PTPRM: variants seen among roughly 807,000 people sequenced by gnomAD.
The protein encoded by PTPRM is protein tyrosine phosphatase receptor type M.
A neutral mutation model predicts 186.7 loss-of-function variants in PTPRM; 47 were observed. The ratio of observed to expected loss-of-function variants is 0.25; its 90% CI spans 0.20 to 0.32. The LOEUF is 0.32. PTPRM is among the 10% of genes least tolerant of loss of function. The pLI is 1.00. For missense variants in PTPRM, 1,494 were observed against 1,865.0 expected, an observed-to-expected ratio of 0.80 and a Z score of 3.66; for synonymous variants, 668 against 674.9, an observed-to-expected ratio of 0.99 and a Z score of 0.16.
intron 1 of PTPRM, among the ~76,000 whole-genome samples, chr18:7,698,846 G>A (rs141860401): frequency 1.3e-3 from 204 of 152,276 alleles, no homozygotes; most frequent in African/African-American, 4.7e-3. Context: ...GATGACTAGT[G>A]AAGCACCTTT....
chr18:8,281,304 A>T (rs1451065061), intron 19 of PTPRM, among the ~76,000 whole-genome samples: 1 of 152,168 alleles, frequency 6.6e-6, no homozygotes, highest in Admixed American at 6.5e-5. Context: ...ATCCTGGCAG[A>T]TCCACTGGGA....
chr18:7,809,087 T>C (rs2044377128), intron 2 of PTPRM, among the ~76,000 whole-genome samples: 1 of 152,132 alleles, frequency 6.6e-6, no homozygotes, highest in Non-Finnish European at 1.5e-5. Flanking sequence ...ACCCTGAGAC[T>C]TGAGGAGGCT....
At chr18:8,096,456 G>A (rs547726961) in intron 11 of PTPRM, among the ~76,000 whole-genome samples, 14 of 152,246 alleles carry the variant, frequency 9.2e-5, no homozygotes, top group South Asian at 4.1e-4. Context: ...GAAGCCATTC[G>A]GCAGGAAGGA....
intron 20 of PTPRM, among the ~76,000 whole-genome samples, chr18:8,297,916 T>A (rs1003623982): frequency 3.3e-5 from 5 of 152,144 alleles, no homozygotes; most frequent in African/African-American, 1.2e-4. Flanking sequence ...CCTTTGTAGG[T>A]AGGAGATGCT....
At chr18:7,572,115 A>G (rs1349818592) in intron 1 of PTPRM, among the ~76,000 whole-genome samples, 1 of 152,180 alleles carries the variant, frequency 6.6e-6, no homozygotes, top group Non-Finnish European at 1.5e-5. Context: ...AGTGTTCTGT[A>G]TATGTAAAGA....
chr18:8,172,044 G>C (rs922044238), intron 14 of PTPRM, among the ~76,000 whole-genome samples: 1 of 152,094 alleles, frequency 6.6e-6, no homozygotes, highest in African/African-American at 2.4e-5. Context: ...TTGTAAAGTC[G>C]GAAAATCATA....
At chr18:8,169,082 C>A (rs905510214) in intron 14 of PTPRM, among the ~76,000 whole-genome samples, 1 of 151,954 alleles carries the variant, frequency 6.6e-6, no homozygotes. Flanking sequence ...AGATAGTTTC[C>A]TTAGATAAAG....
At chr18:8,241,543 A>G (rs1054205976) in intron 14 of PTPRM, among the ~76,000 whole-genome samples, 1 of 152,182 alleles carries the variant, frequency 6.6e-6, no homozygotes, top group Non-Finnish European at 1.5e-5. Flanking sequence ...ACACGTAAAA[A>G]TTAAGAGTTG....
intron 14 of PTPRM, among the ~76,000 whole-genome samples, chr18:8,240,476 AG>A (rs1213534003): frequency 8.1e-4 from 31 of 38,368 alleles, no homozygotes; most frequent in Middle Eastern, 0.017. Context: ...GGAGGGAGGG[AG>A]GGGAGGAGAG....
intron 2 of PTPRM, among the ~76,000 whole-genome samples, chr18:7,821,155 G>C (rs530812909): frequency 6.6e-6 from 1 of 152,120 alleles, no homozygotes; most frequent in Non-Finnish European, 1.5e-5. Context: ...GCCCCAGGAC[G>C]TTGTTCTGGC....
chr18:7,715,606 C>T (rs1309509815), intron 1 of PTPRM, among the ~76,000 whole-genome samples: 7 of 152,138 alleles, frequency 4.6e-5, no homozygotes, highest in African/African-American at 7.2e-5. Flanking sequence ...ATTTAGAAAA[C>T]CCCATCATCT....
At chr18:8,251,729 C>T (rs1459254182) in intron 17 of PTPRM, 1 of 152,180 alleles carries the variant, frequency 6.6e-6, no homozygotes, top group African/African-American at 2.4e-5. Context: ...AAGTGAGGTT[C>T]CCAAACCAGG....
At chr18:7,966,453 C>T (rs548185178) in intron 7 of PTPRM, among the ~76,000 whole-genome samples, 16 of 152,230 alleles carry the variant, frequency 1.1e-4, no homozygotes, top group Non-Finnish European at 1.6e-4. Context: ...GAAGGAGGAG[C>T]CAAGATGGCC....
intron 1 of PTPRM, among the ~76,000 whole-genome samples, chr18:7,682,353 C>T (rs151181525): frequency 1.2e-4 from 19 of 152,242 alleles, no homozygotes; most frequent in Middle Eastern, 3.4e-3. Flanking sequence ...TACTAACTGG[C>T]AATTTTATTT....
intron 14 of PTPRM, among the ~76,000 whole-genome samples, chr18:8,215,545 C>A (rs974810686): frequency 6.9e-5 from 8 of 116,324 alleles, no homozygotes; most frequent in African/African-American, 2.2e-4. Flanking sequence ...TCTTTCTTTT[C>A]TTTTTTTTTT....
chr18:7,838,336 G>A (rs1218303832), intron 2 of PTPRM, among the ~76,000 whole-genome samples: 16 of 152,148 alleles, frequency 1.1e-4, no homozygotes, highest in African/African-American at 3.4e-4. Context: ...CTCCCCCCAG[G>A]ACCCTCCCAC....
chr18:7,652,517 T>C (rs972461295), intron 1 of PTPRM, among the ~76,000 whole-genome samples: 5 of 151,886 alleles, frequency 3.3e-5, no homozygotes, highest in African/African-American at 1.2e-4. Flanking sequence ...TGTCCAACAA[T>C]GATAGACTGG....
At chr18:8,088,325 A>G (rs983288898) in intron 10 of PTPRM, among the ~76,000 whole-genome samples, 2 of 152,178 alleles carry the variant, frequency 1.3e-5, no homozygotes, top group Admixed American at 6.5e-5. Flanking sequence ...ATTTAGATGG[A>G]ATAACTATAA....
intron 5 of PTPRM, chr18:7,946,898 G>A: frequency 3.3e-5 from 15 of 455,866 alleles, no homozygotes; most frequent in South Asian, 2.3e-4. Flanking sequence ...GAAGCTGCCT[G>A]GGAGGAAGGG....
Sources: allele counts gnomAD v4.1 joint callset (sites outside exome capture counted in the v4.1 genomes callset), GRCh38; gene constraint gnomAD v4.1.1; transcripts MANE v1.5; gene names NCBI Gene and HGNC (gene_info 2026-07-23, HGNC 2026-07-21).